Variants in RFX1 observed in about 807,000 individuals in gnomAD.
RFX1 encodes regulatory factor X1.
A neutral mutation model predicts 119.6 loss-of-function variants in RFX1; 42 were observed. That is an observed-to-expected ratio of 0.35 (90% confidence interval 0.27 to 0.45). The LOEUF is 0.45. Among genes scored for constraint, RFX1 ranks in the 20% least tolerant of loss-of-function variants. The pLI is 1.00. For missense variants in RFX1, 1,118 were observed against 1,368.1 expected, an observed-to-expected ratio of 0.82 and a Z score of 2.88; for synonymous variants, 628 against 618.5, an observed-to-expected ratio of 1.02 and a Z score of -0.23.
intron 1 of RFX1, among the ~76,000 whole-genome samples, chr19:13,996,423 C>T (rs1975021755): frequency 6.6e-6 from 1 of 152,226 alleles, no homozygotes; most frequent in Non-Finnish European, 1.5e-5. Context: ...ACGATGTGCC[C>T]AGATGGCCCT....
rs778000690 is a variant in RFX1 at position 13,978,129 on chromosome 19, G to A, written c.835-43C>T. 4 of 1,452,128 alleles carry A rather than the reference G, an allele frequency of 2.8e-6. No homozygotes were observed. In the East Asian group the frequency reaches 6.8e-5, roughly 25 times the overall value. 90.0% of individuals were successfully genotyped at this position (1,452,128 alleles called of 1,614,324 possible). A position where few individuals can be genotyped will look rare whatever the true frequency, so the allele number is the denominator to read the frequency against. On this transcript the variant is annotated intron_variant, in intron 7 of 20. Transcript: ENST00000254325. ...CACGTGGAGGGTCAGGGGTGGGCCA[G>A]CTCCTACGGTTCTCCCTCTAAAGGG...
intron 5 of RFX1, among the ~76,000 whole-genome samples, chr19:13,981,515 G>C (rs1974429083): frequency 6.6e-6 from 1 of 152,240 alleles, no homozygotes; most frequent in Admixed American, 6.5e-5. Context: ...AGAATCGCTT[G>C]AACCCAGGAG....
At position 13,963,655 on chromosome 19, in the gene RFX1, A is replaced by T. The variant is rs1473347782; in HGVS notation, c.2453T>A (p.Leu818Gln). 3 of 1,603,078 alleles carry T rather than the reference A, an allele frequency of 1.9e-6. No homozygotes were observed. The highest frequency in any genetic ancestry group is 1.7e-6 in the Non-Finnish European group (2 of 1,177,662). Reference protein sequence around the residue: ...FKVTLQQQNSLEQWAAWLDGV... With the variant: ...FKVTLQQQNSQEQWAAWLDGV... ...GTCCAGCCAGGCCGCCCACTGCTCC[A>T]GCGAGTTCTGCTGCTGCAGCGTCAC... Residue 818 changes from leucine to glutamine, a missense_variant, in exon 18 of 21, where the codon CTG (leucine) becomes CAG (glutamine). Physicochemically the swap from Leu to Gln is moderately radical, Grantham distance 113 (BLOSUM62 -2). Coordinates refer to ENST00000254325, the MANE Select transcript of RFX1 (RefSeq NM_002918.5).
chr19:13,969,847 T>G lies in RFX1; in HGVS notation c.1496+147A>C. 1.4e-6 allele frequency: 1 copy of G among 700,810 alleles called. No individual in the cohort carries two copies. Among genetic ancestry groups the G allele is most frequent in the African/African-American group, 1.8e-5 (1 of 54,970 alleles). 43.4% of individuals were successfully genotyped at this position (700,810 alleles called of 1,614,324 possible). On this transcript the variant is annotated intron_variant, in intron 10 of 20. Transcript: ENST00000254325. This position sits in a 1 kb window ranked among gnomAD's most constrained non-coding sequence, Gnocchi z 4.5. ...GCACCGCCAGTGCAAAGGCCTAGAG[T>G]GGGAGTGAGCGGGGCTGTCGAGGAG...
rs777733129 is a variant in RFX1 at position 13,967,207 on chromosome 19, C to T, written c.1733-456G>A. 3.9e-5 allele frequency among the ~76,000 whole-genome samples: 6 copies of T among 152,304 alleles called. No individual in the cohort carries two copies. The South Asian group carries it at 8.3e-4, about 21-fold the overall frequency. On this transcript the variant is annotated intron_variant, in intron 12 of 20. Coordinates refer to ENST00000254325, the MANE Select transcript of RFX1 (RefSeq NM_002918.5). ...TCCCCACCCTCCAAATGGGATGTCCCGGCCTCCAGGGCAGGTGGGGAAATG... is the reference window on the plus strand; with the variant it reads ...TCCCCACCCTCCAAATGGGATGTCCTGGCCTCCAGGGCAGGTGGGGAAATG...
chr19:13,962,685 G>A lies in RFX1; in HGVS notation c.*10C>T, dbSNP rs1303177895. The A allele has an allele frequency of 4.6e-6, 7 of 1,520,704 alleles. No homozygotes were observed. The highest frequency in any genetic ancestry group is 4.2e-5 in the African/African-American group (3 of 71,926). 94.2% of individuals were successfully genotyped at this position (1,520,704 alleles called of 1,614,324 possible). On this transcript the variant is annotated 3_prime_UTR_variant, in exon 21 of 21. Transcript: ENST00000254325. The stretch of plus-strand genomic sequence containing the variant: ...GTGGCGGGGGCGGGTGGGGCGGGGA[G>A]GCCAAGGGCTTAGCTGGAGGGCAGC...
At chr19:13,991,693 G>A (rs547559306) in intron 2 of RFX1, among the ~76,000 whole-genome samples, 97 of 151,952 alleles carry the variant, frequency 6.4e-4, no homozygotes, top group African/African-American at 2.3e-3. Context: ...ATGGATTCTC[G>A]CTCCGTTACC....
Position 13,988,024 on chromosome 19 carries a change from CTTTTTTTTTTT to C in RFX1, c.320-4440_320-4430del, listed in dbSNP as rs768766007. Among the ~76,000 whole-genome samples the C allele has an allele frequency of 6.3e-3, 842 of 134,470 alleles. 3 individuals are homozygous for C. Among genetic ancestry groups the C allele is most frequent in the Middle Eastern group, 0.011 (3 of 264 alleles). The allele number at this position is 134,470 out of a possible 152,430, so 88.2% of individuals were successfully genotyped here. A position where few individuals can be genotyped will look rare whatever the true frequency, so the allele number is the denominator to read the frequency against. On this transcript the variant is annotated intron_variant, in intron 2 of 20. Transcript: ENST00000254325. ...CTTGACTTGCTCTTGACTTCTTGCT[CTTTTTTTTTTT>C]TTTTTTTTTGAGACAGAGTCTTGCT...
rs775172570 is a variant in RFX1, at chr19:13,970,191, GA to G, written c.1315-17del. 4.4e-6 allele frequency: 7 copies of G among 1,587,590 alleles called. No homozygotes were observed. In the South Asian group the frequency reaches 7.9e-5, roughly 18 times the overall value. ...GCCACTGGACCTGGGGTGGGAGGGAGATGGGAGAGCACCAGTCAGAGGCGCT... is the reference window on the plus strand; with the variant it reads ...GCCACTGGACCTGGGGTGGGAGGGAGTGGGAGAGCACCAGTCAGAGGCGCT... On this transcript the variant is annotated splice_polypyrimidine_tract_variant and intron_variant, in intron 9 of 20. Transcript: ENST00000254325.
rs1482115018 is a variant in RFX1 at position 13,962,663 on chromosome 19, G to GC, written c.*31dup. 1 of 1,485,746 alleles carries GC rather than the reference G, an allele frequency of 6.7e-7. No homozygotes were observed. The highest frequency in any genetic ancestry group is 2.1e-5 in the Admixed American group (1 of 46,780). The allele number at this position is 1,485,746 out of a possible 1,614,324, so 92.0% of individuals were successfully genotyped here. ...TGAGGGACCCTGGCGTGGAGGGGTGGCGGGGGCGGGTGGGGCGGGGAGGCC... is the reference window on the plus strand; with the variant it reads ...TGAGGGACCCTGGCGTGGAGGGGTGGCCGGGGGCGGGTGGGGCGGGGAGGCC... On this transcript the variant is annotated 3_prime_UTR_variant, in exon 21 of 21. Transcript: ENST00000254325.
Position 13,986,091 on chromosome 19 carries a change from C to A in RFX1, c.320-2496G>T, listed in dbSNP as rs1413653744. On this transcript the variant is annotated intron_variant, in intron 2 of 20. Coordinates refer to ENST00000254325, the MANE Select transcript of RFX1 (RefSeq NM_002918.5). The surrounding 1 kb of genome is among the most constrained non-coding windows in gnomAD (Gnocchi z 4.2). ...AGGGAGGAGGCCCTTGCTGAGAGGG[C>A]CCCTCCTGGGAGAAACCCGAGACAG... Among the ~76,000 whole-genome samples the A allele has an allele frequency of 1.3e-5, 2 of 152,198 alleles. No individual in the cohort carries two copies. The highest frequency in any genetic ancestry group is 4.8e-5 in the African/African-American group (2 of 41,444).
In RFX1 at chr19:13,980,735, T is replaced by TCCTCTCTGGGGTGGGCTCGCAC; in HGVS notation, c.622-47_622-46insGTGCGAGCCCACCCCAGAGAGG. 1 of 1,420,318 alleles carries TCCTCTCTGGGGTGGGCTCGCAC rather than the reference T, an allele frequency of 7.0e-7. No individual in the cohort carries two copies. Among genetic ancestry groups the TCCTCTCTGGGGTGGGCTCGCAC allele is most frequent in the Admixed American group, 1.8e-5 (1 of 56,036 alleles). 88.0% of individuals were successfully genotyped at this position (1,420,318 alleles called of 1,614,324 possible). ...GGAGTGCCGCTGGGGTGGGCTTGCA[T>TCCTCTCTGGGGTGGGCTCGCAC]CCTCTCTGAGGTGGGCTCACACACA... is the stretch of plus-strand genomic sequence containing the variant. On this transcript the variant is annotated intron_variant, in intron 5 of 20. Transcript: ENST00000254325. This position sits in a 1 kb window ranked among gnomAD's most constrained non-coding sequence, Gnocchi z 5.1.
At chr19:13,983,141 C>A (rs1270832460) in intron 4 of RFX1, 46 bp downstream of exon 4, 7 of 1,450,590 alleles carry the variant, frequency 4.8e-6, no homozygotes, top group Admixed American at 3.9e-5. Context: ...TGGTCCTCCA[C>A]CCTGAGGGAG....
In RFX1 at chr19:13,980,692, G is replaced by GT; in HGVS notation, c.622-4dup. 7.4e-7 allele frequency: 1 copy of GT among 1,346,440 alleles called. No individual in the cohort carries two copies. Among genetic ancestry groups the GT allele is most frequent in the Admixed American group, 2.2e-5 (1 of 44,790 alleles). 83.4% of individuals were successfully genotyped at this position (1,346,440 alleles called of 1,614,324 possible). A position where few individuals can be genotyped will look rare whatever the true frequency, so the allele number is the denominator to read the frequency against. On this transcript the variant is annotated splice_region_variant and splice_polypyrimidine_tract_variant and intron_variant, in intron 5 of 20. Coordinates refer to ENST00000254325, the MANE Select transcript of RFX1 (RefSeq NM_002918.5). This position sits in a 1 kb window ranked among gnomAD's most constrained non-coding sequence, Gnocchi z 5.1. The stretch of plus-strand genomic sequence containing the variant: ...CTGTTGGCCTGCACCGGCGACTGCT[G>GT]TAAGGGAAGGAGACACAGGAGTGCC...
In RFX1 at chr19:13,988,846, C is replaced by T. The variant is rs143291814; in HGVS notation, c.319+4679G>A. 1.3e-3 allele frequency among the ~76,000 whole-genome samples: 194 copies of T among 152,314 alleles called. 4 individuals carry two copies. The East Asian group carries it at 0.017, about 13-fold the overall frequency. ...GACCAGCCTGGCCAACATGGCAAAA[C>T]GCCATCTCTACCAAAAAATACAAAA... On this transcript the variant is annotated intron_variant, in intron 2 of 20. Transcript: ENST00000254325.
At chr19:13,996,668 TTC>T (rs1257261389) in intron 1 of RFX1, among the ~76,000 whole-genome samples, 1 of 151,792 alleles carries the variant, frequency 6.6e-6, no homozygotes. Flanking sequence ...CCCAGATACA[TTC>T]TGTCAGTCCC....
chr19:13,963,624 C>T lies in RFX1; in HGVS notation c.2484G>A (p.Val828=). Residue 828 remains valine (V), a synonymous_variant, in exon 18 of 21, where the codon GTG becomes GTA. Coordinates refer to ENST00000254325, the MANE Select transcript of RFX1 (RefSeq NM_002918.5). ...LEQWAAWLDG[V]VSQVLKPYQG... ...GGTAGGGCTTGAGCACCTGGCTCACCACGCCGTCCAGCCAGGCCGCCCACT... is the reference window on the plus strand; with the variant it reads ...GGTAGGGCTTGAGCACCTGGCTCACTACGCCGTCCAGCCAGGCCGCCCACT... 2 of 1,601,924 alleles carry T rather than the reference C, an allele frequency of 1.2e-6. No individual in the cohort carries two copies. The highest frequency in any genetic ancestry group is 8.5e-7 in the Non-Finnish European group (1 of 1,177,866).
chr19:14,003,077 G>A (rs916858672), intron 1 of RFX1, among the ~76,000 whole-genome samples: 2 of 152,168 alleles, frequency 1.3e-5, no homozygotes, highest in African/African-American at 4.8e-5. Flanking sequence ...CCATCTCCAC[G>A]GTTCAAGGGA....
intron 9 of RFX1, among the ~76,000 whole-genome samples, chr19:13,971,082 C>T (rs1974063850): frequency 2.0e-5 from 3 of 151,976 alleles, no homozygotes; most frequent in African/African-American, 7.2e-5. Flanking sequence ...ACCTGTAATC[C>T]CAACACTTTG....
Sources: gnomAD v4.1 joint callset for allele counts (sites outside exome capture counted in the v4.1 genomes callset) on GRCh38, gnomAD v4.1.1 for gene constraint, Gnocchi (gnomAD v3.1) non-coding constraint, MANE v1.5 for transcripts, NCBI Gene and HGNC (gene_info 2026-07-23, HGNC 2026-07-21) for gene names.